The following INPP4B variants were observed in gnomAD, a reference collection of about 807,000 sequenced individuals.
INPP4B encodes the protein inositol polyphosphate 4-phosphatase type II.
In INPP4B, 55 loss-of-function variants were observed where a neutral mutation model predicts 122.5. The ratio of observed to expected loss-of-function variants is 0.45; its 90% CI spans 0.36 to 0.56. The LOEUF is 0.56. Among genes scored for constraint, INPP4B ranks in the 20% least tolerant of loss-of-function variants. The pLI is 0.00. For synonymous variants in INPP4B, 403 were observed against 388.7 expected, an observed-to-expected ratio of 1.04 and a Z score of -0.43; for missense variants, 1,000 against 1,097.7, an observed-to-expected ratio of 0.91 and a Z score of 1.26.
At chr4:142,638,547 T>TC (rs71586299) in intron 2 of INPP4B, among the ~76,000 whole-genome samples, 1 of 9,000 alleles carries the variant, frequency 1.1e-4, no homozygotes, top group African/African-American at 2.2e-4. Context: ...GTCTATTCTC[T>TC]TTTTTTTTTT....
chr4:142,048,611 G>C (rs1441656988), intron 25 of INPP4B, among the ~76,000 whole-genome samples: 1 of 151,988 alleles, frequency 6.6e-6, no homozygotes, highest in African/African-American at 2.4e-5. Context: ...GTATTTATGT[G>C]AACTAAGGGT....
rs1748114579 is a variant in INPP4B, at chr4:142,275,819, A to T, written c.504-5045T>A. Among the ~76,000 whole-genome samples, 3 of 151,714 alleles carry T rather than the reference A, an allele frequency of 2.0e-5. No homozygotes were observed. In the Admixed American group the frequency reaches 2.0e-4, roughly 10 times the overall value. ...CTTTTCTCAGTATAGGCTCACCTTC[A>T]GACATTCCATCCATCATCATGAACT... On this transcript the variant is annotated intron_variant, in intron 9 of 25. Coordinates refer to ENST00000262992, the MANE Select transcript of INPP4B (RefSeq NM_001101669.3).
intron 2 of INPP4B, among the ~76,000 whole-genome samples, chr4:142,724,150 G>C (rs991658207): frequency 3.9e-5 from 6 of 152,124 alleles, no homozygotes; most frequent in African/African-American, 1.2e-4. Flanking sequence ...TCTATCCCAT[G>C]AATGGGAATT....
chr4:142,029,001 T>A, intron 25 of INPP4B, 87 bp from the exon 26 acceptor site: 1 of 1,486,112 alleles, frequency 6.7e-7, no homozygotes, highest in African/African-American at 1.4e-5. Context: ...GCAGCAACCA[T>A]CCAAGTAAAA....
At chr4:142,344,479 T>C (rs1779686017) in intron 7 of INPP4B, among the ~76,000 whole-genome samples, 1 of 151,982 alleles carries the variant, frequency 6.6e-6, no homozygotes. Flanking sequence ...AAAGTCCGAG[T>C]TGACAGTGAT....
chr4:142,498,106 T>C (rs1445704869), intron 2 of INPP4B, among the ~76,000 whole-genome samples: 1 of 131,446 alleles, frequency 7.6e-6, no homozygotes, highest in African/African-American at 3.4e-5. Flanking sequence ...TGTGTGTGTG[T>C]GTGTATATAT....
chr4:142,561,170 T>C (rs1250372038), intron 2 of INPP4B, among the ~76,000 whole-genome samples: 1 of 152,184 alleles, frequency 6.6e-6, no homozygotes, highest in Non-Finnish European at 1.5e-5. Flanking sequence ...ATTTTTTTAT[T>C]CAATGTGGTA....
chr4:142,393,035 T>C, intron 7 of INPP4B, among the ~76,000 whole-genome samples: 1 of 152,192 alleles, frequency 6.6e-6, no homozygotes. Flanking sequence ...TTTAAATGTT[T>C]ATATGTACCC....
At chr4:142,340,487 T>C (rs559861741) in intron 7 of INPP4B, among the ~76,000 whole-genome samples, 7 of 152,244 alleles carry the variant, frequency 4.6e-5, no homozygotes, top group African/African-American at 1.7e-4. Flanking sequence ...GGCTCATTTT[T>C]GCCTCCAACT....
At chr4:142,447,477 G>C (rs1813156364) in intron 3 of INPP4B, among the ~76,000 whole-genome samples, 1 of 152,200 alleles carries the variant, frequency 6.6e-6, no homozygotes, top group African/African-American at 2.4e-5. Flanking sequence ...TAAGTGATGA[G>C]AAGTGAGAAG....
intron 2 of INPP4B, among the ~76,000 whole-genome samples, chr4:142,621,380 T>C (rs888388312): frequency 6.6e-6 from 1 of 151,958 alleles, no homozygotes; most frequent in Non-Finnish European, 1.5e-5. Context: ...GTAAAATAGA[T>C]GATGATTACA....
chr4:142,106,945 A>T (rs1288092939), intron 23 of INPP4B, among the ~76,000 whole-genome samples: 1 of 152,142 alleles, frequency 6.6e-6, no homozygotes, highest in African/African-American at 2.4e-5. Flanking sequence ...AAAATAATTA[A>T]CATTCAAGTT....
chr4:142,826,090 G>A (rs1035271960), intron 1 of INPP4B, among the ~76,000 whole-genome samples: 5 of 151,976 alleles, frequency 3.3e-5, no homozygotes, highest in Admixed American at 1.3e-4. Context: ...GATGCAAATA[G>A]CTTGAGTAAA....
intron 9 of INPP4B, among the ~76,000 whole-genome samples, chr4:142,275,122 G>T (rs1747760265): frequency 6.6e-6 from 1 of 151,536 alleles, no homozygotes; most frequent in Admixed American, 6.6e-5. Flanking sequence ...TCACATGCTG[G>T]AACACATTAA....
chr4:142,425,124 T>G (rs1020354054), intron 5 of INPP4B: 5 of 152,068 alleles, frequency 3.3e-5, no homozygotes, highest in Admixed American at 6.6e-5. Context: ...ACATGGATTC[T>G]TAAAATAAAA....
intron 5 of INPP4B, among the ~76,000 whole-genome samples, chr4:142,417,794 C>T (rs572954323): frequency 6.6e-6 from 1 of 152,196 alleles, no homozygotes; most frequent in African/African-American, 2.4e-5. Context: ...GATCCAAAGG[C>T]TCTCTCAGGC....
chr4:142,331,862 G>A (rs1774629439), intron 7 of INPP4B, among the ~76,000 whole-genome samples: 1 of 145,390 alleles, frequency 6.9e-6, no homozygotes, highest in Non-Finnish European at 1.5e-5. Flanking sequence ...ATCATATTAT[G>A]AGGCAATGTT....
At chr4:142,106,303 G>C (rs1272952872) in intron 23 of INPP4B, among the ~76,000 whole-genome samples, 1 of 152,110 alleles carries the variant, frequency 6.6e-6, no homozygotes, top group African/African-American at 2.4e-5. Context: ...TTTTGAGACA[G>C]AGTCTCACTA....
intron 2 of INPP4B, among the ~76,000 whole-genome samples, chr4:142,718,717 T>C (rs1381517959): frequency 6.6e-6 from 1 of 152,200 alleles, no homozygotes; most frequent in Non-Finnish European, 1.5e-5. Context: ...TGATTTCAAA[T>C]GTCTGCCTCA....
Sources: gnomAD v4.1 joint callset for allele counts (sites outside exome capture counted in the v4.1 genomes callset) on GRCh38, gnomAD v4.1.1 for gene constraint, MANE v1.5 for transcripts, NCBI Gene and HGNC (gene_info 2026-07-23, HGNC 2026-07-21) for gene names.